The following DIAPH1 variants were observed in gnomAD, a reference collection of about 807,000 sequenced individuals.
The protein encoded by DIAPH1 is diaphanous related formin 1, also known as protein diaphanous homolog 1.
Under a neutral mutation model 140.7 loss-of-function variants are expected in DIAPH1, and 46 were observed. The ratio of observed to expected loss-of-function variants is 0.33; its 90% CI spans 0.26 to 0.42. The LOEUF is 0.42. Among genes scored for constraint, DIAPH1 ranks in the 10% least tolerant of loss-of-function variants. The pLI, the probability that DIAPH1 is intolerant of heterozygous loss-of-function variation, is 1.00. For missense variants in DIAPH1, 1,310 were observed against 1,558.7 expected (o/e 0.84, Z 2.69); for synonymous variants, 565 against 551.6 (o/e 1.02, Z -0.34).
chr5:141,583,469 T>G lies in DIAPH1; in HGVS notation c.533+16A>C. The stretch of plus-strand genomic sequence containing the variant: ...ACATTTGGCTCCTACTCCTGTTACC[T>G]CCTCAGAATCCTCACCTGACAGGGT... On this transcript the variant is annotated intron_variant, in intron 5 of 27. Transcript: ENST00000389054. 1 of 1,614,198 alleles carries G rather than the reference T, an allele frequency of 6.2e-7. No homozygotes were observed. The highest frequency in any genetic ancestry group is 8.5e-7 in the Non-Finnish European group (1 of 1,180,038).
chr5:141,571,547 C>T (rs2099895189), intron 17 of DIAPH1, 111 bp from the exon 18 acceptor site: 1 of 946,792 alleles, frequency 1.1e-6, no homozygotes, highest in Non-Finnish European at 1.7e-6. Context: ...ACTCAGTCAC[C>T]CAAACTGTTA....
chr5:141,597,123 G>A (rs1464911905), intron 1 of DIAPH1, among the ~76,000 whole-genome samples: 1 of 151,982 alleles, frequency 6.6e-6, no homozygotes, highest in Non-Finnish European at 1.5e-5. Flanking sequence ...AAAATAGAGA[G>A]CAAGTTATCA....
At chr5:141,606,132 T>C (rs2099900903) in intron 1 of DIAPH1, among the ~76,000 whole-genome samples, 1 of 152,190 alleles carries the variant, frequency 6.6e-6, no homozygotes, top group Non-Finnish European at 1.5e-5. Context: ...AAGGAATTCT[T>C]ATAGCTCTGG....
At chr5:141,518,821 C>A in intron 27 of DIAPH1, 4 of 964,768 alleles carry the variant, frequency 4.1e-6, no homozygotes, top group Non-Finnish European at 6.5e-6. Flanking sequence ...CACAGCCTGC[C>A]AAAGCCCAAG....
intron 18 of DIAPH1, among the ~76,000 whole-genome samples, chr5:141,544,076 T>C (rs1335816699): frequency 1.3e-5 from 2 of 152,124 alleles, no homozygotes; most frequent in Non-Finnish European, 2.9e-5. Context: ...TTTGGGAGGC[T>C]GAGGCAGACA....
At chr5:141,573,013 AAAG>A (rs1274245139) in intron 16 of DIAPH1, among the ~76,000 whole-genome samples, 1 of 152,268 alleles carries the variant, frequency 6.6e-6, no homozygotes, top group East Asian at 1.9e-4. Context: ...TGTATGGAAT[AAAG>A]AAGATGCCTA....
rs147203145 is a variant in DIAPH1, at chr5:141,571,962, C to T, written c.2437G>A (p.Ala813Thr). Residue 813 changes from alanine to threonine, a missense_variant, in exon 17 of 28, where the codon GCC becomes ACC. Coordinates refer to ENST00000389054, the MANE Select transcript of DIAPH1 (RefSeq NM_005219.5). ...EDRFENNELFAKLTLTFSAQT... is the reference protein window; with the variant it reads ...EDRFENNELFTKLTLTFSAQT... ...GCAGAGAAGGTAAGGGTAAGTTTGG[C>T]GAAAAGTTCATTGTTCTCAAAGCGG... 197 of 1,614,110 alleles carry T rather than the reference C, an allele frequency of 1.2e-4. 2 individuals carry two copies. In the African/African-American group the frequency reaches 2.4e-3, roughly 19 times the overall value.
chr5:141,527,699 TA>T lies in DIAPH1; in HGVS notation c.3149-3del, dbSNP rs79558427. On this transcript the variant is annotated splice_polypyrimidine_tract_variant and splice_region_variant and intron_variant, in intron 23 of 27. Coordinates refer to ENST00000389054, the MANE Select transcript of DIAPH1 (RefSeq NM_005219.5). ...TCTTTTGCAAGTTTTCAGCAGAAACTAAAAAAAAAAAAAAAAAAAAAAACCA... is the reference window on the plus strand; with the variant it reads ...TCTTTTGCAAGTTTTCAGCAGAAACTAAAAAAAAAAAAAAAAAAAAAACCA... The T allele has an allele frequency of 0.18, 197,704 of 1,084,614 alleles. 86 individuals carry two copies. The highest frequency in any genetic ancestry group is 0.19 in the Non-Finnish European group (162,610 of 853,752). The allele number at this position is 1,084,614 out of a possible 1,614,324, so 67.2% of individuals were successfully genotyped here.
chr5:141,618,567 G>A (rs1168257544), intron 1 of DIAPH1: 3 of 443,634 alleles, frequency 6.8e-6, no homozygotes, highest in Non-Finnish European at 1.3e-5. Flanking sequence ...TAAGGGCTGG[G>A]GAACGAGGGA....
At chr5:141,524,035 TA>T in intron 27 of DIAPH1, 107 bp downstream of exon 27, 1 of 965,664 alleles carries the variant, frequency 1.0e-6, no homozygotes, top group Non-Finnish European at 1.7e-6. Context: ...ATGCAGGGAC[TA>T]AAAAGATGCT....
intron 16 of DIAPH1, among the ~76,000 whole-genome samples, 159 bp from the exon 17 acceptor site, chr5:141,572,199 A>G (rs778212905): frequency 2.6e-5 from 4 of 152,252 alleles, no homozygotes; most frequent in African/African-American, 4.8e-5. Flanking sequence ...CAGTGGGATT[A>G]GGAGAGAATA....
At position 141,587,110 on chromosome 5, in the gene DIAPH1, C is replaced by A; in HGVS notation, c.232G>T (p.Asp78Tyr). 6.2e-7 allele frequency: 1 copy of A among 1,614,142 alleles called. No homozygotes were observed. Among genetic ancestry groups the A allele is most frequent in the South Asian group, 1.1e-5 (1 of 91,076 alleles). Reference sequence around the variant, plus strand: ...TCTTGCAATGACTGTGCTGTGGGATCATCCCCATATGATGCAGAAGAATTT... The same window carrying A: ...TCTTGCAATGACTGTGCTGTGGGATAATCCCCATATGATGCAGAAGAATTT... ...HRNSSASYGD[D>Y]PTAQSLQDVS... Residue 78 changes from aspartate (D) to tyrosine (Y), a missense_variant, in exon 3 of 28, where the codon GAT (aspartate) becomes TAT (tyrosine). By Grantham distance (160) the Asp-to-Tyr change is radical. Coordinates refer to ENST00000389054, the MANE Select transcript of DIAPH1 (RefSeq NM_005219.5).
chr5:141,550,545 G>GT (rs1268315760), intron 18 of DIAPH1: 1 of 154,328 alleles, frequency 6.5e-6, no homozygotes, highest in Non-Finnish European at 1.5e-5. Flanking sequence ...CCGCTCTTGT[G>GT]TAAGAACTCT....
In DIAPH1 at chr5:141,576,859, A is replaced by T; in HGVS notation, c.1293T>A (p.Tyr431Ter). ...RNDYEARPQY[Y>*]KLIEECISQI... ...GGGAAATACATTCTTCAATCAACTT[A>T]TAGTACTGAGGTCTACAAGAGAATA... is the stretch of plus-strand genomic sequence containing the variant. Residue 431 changes from tyrosine (Y) to a stop codon, truncating the protein, a stop_gained, in exon 13 of 28, where the codon TAT (tyrosine) becomes TAA (stop). Transcript: ENST00000389054. LOFTEE classifies it high-confidence loss of function. 1.9e-6 allele frequency: 3 copies of T among 1,599,434 alleles called. No homozygotes were observed. Among genetic ancestry groups the T allele is most frequent in the Non-Finnish European group, 2.6e-6 (3 of 1,166,574 alleles).
rs370683492 is a variant in DIAPH1 at position 141,576,849 on chromosome 5, C to T, written c.1303G>A (p.Glu435Lys). Residue 435 changes from glutamate (E) to lysine (K), a missense_variant, in exon 13 of 28, where the codon GAA (glutamate) becomes AAA (lysine). By Grantham distance (56) the Glu-to-Lys change is moderately conservative. Around this residue, in one of 3 missense-constraint regions of DIAPH1, gnomAD observed 589 missense variants for 549.3 expected, o/e 1.07. Coordinates refer to ENST00000389054, the MANE Select transcript of DIAPH1 (RefSeq NM_005219.5). ...AGAACTATCTGGGAAATACATTCTT[C>T]AATCAACTTATAGTACTGAGGTCTA... Reference protein sequence around the residue: ...EARPQYYKLIEECISQIVLHK... With the variant: ...EARPQYYKLIKECISQIVLHK... 6.2e-7 allele frequency: 1 copy of T among 1,611,534 alleles called. No individual in the cohort carries two copies. Among genetic ancestry groups the T allele is most frequent in the Non-Finnish European group, 8.5e-7 (1 of 1,177,824 alleles).
At chr5:141,561,824 C>T (rs556465711) in intron 18 of DIAPH1, 16 of 152,308 alleles carry the variant, frequency 1.1e-4, no homozygotes, top group Middle Eastern at 3.4e-3. Flanking sequence ...AGTTCTAATA[C>T]ATGGAACAGT....
Position 141,579,892 on chromosome 5 carries a change from G to T in DIAPH1, c.825-696C>A, listed in dbSNP as rs113219478. ...GAACCTGGGAGGAGGAGTTTGCAGT[G>T]GGCCGAGATCGCGCCACTGCACTCC... On this transcript the variant is annotated intron_variant, in intron 8 of 27. Coordinates refer to ENST00000389054, the MANE Select transcript of DIAPH1 (RefSeq NM_005219.5). 1.5e-3 allele frequency among the ~76,000 whole-genome samples: 220 copies of T among 151,598 alleles called. 1 individual carries two copies. The highest frequency in any genetic ancestry group is 5.1e-3 in the African/African-American group (212 of 41,336).
chr5:141,525,866 C>T (rs375441607), intron 26 of DIAPH1, among the ~76,000 whole-genome samples, 172 bp downstream of exon 26: 1 of 152,100 alleles, frequency 6.6e-6, no homozygotes, highest in South Asian at 2.1e-4. Context: ...AGTTGGAATG[C>T]GCATGTATCA....
intron 27 of DIAPH1, among the ~76,000 whole-genome samples, chr5:141,522,626 G>C (rs577740200): frequency 1.3e-5 from 2 of 151,528 alleles, no homozygotes; most frequent in African/African-American, 2.4e-5. Context: ...TTTTTGTAAG[G>C]CTAGAAATGC....
Sources: allele counts gnomAD v4.1 joint callset (sites outside exome capture counted in the v4.1 genomes callset), GRCh38; gene constraint gnomAD v4.1.1; regional missense constraint gnomAD v4.1.1; transcripts MANE v1.5; gene names NCBI Gene and HGNC (gene_info 2026-07-23, HGNC 2026-07-21).